The following NELL1 variants were observed in gnomAD, a reference collection of about 807,000 sequenced individuals.
NELL1 encodes the protein neural EGFL like 1, also known as protein kinase C-binding protein NELL1.
Under a neutral mutation model 107.4 loss-of-function variants are expected in NELL1, and 76 were observed. The ratio of observed to expected loss-of-function variants is 0.71; its 90% confidence interval spans 0.59 to 0.86. The LOEUF (loss-of-function observed/expected upper bound fraction) is 0.86. Among genes scored for constraint, NELL1 ranks in the 40% least tolerant of loss-of-function variants. The probability of loss-of-function intolerance (pLI) is 0.00; values close to 1 mark genes in which losing one functional copy is unlikely to be tolerated. For missense variants in NELL1, 1,024 were observed against 1,005.5 expected, an observed-to-expected ratio of 1.02 and a Z score of -0.25; for synonymous variants, 353 against 341.2, an observed-to-expected ratio of 1.03 and a Z score of -0.38.
intron 14 of NELL1, among the ~76,000 whole-genome samples, chr11:21,353,999 G>T (rs376600291): frequency 1.3e-5 from 2 of 152,154 alleles, no homozygotes; most frequent in Non-Finnish European, 2.9e-5. Flanking sequence ...TACCTTTGAA[G>T]CAGCTGAAAC....
At chr11:21,504,256 G>A (rs1475771168) in intron 15 of NELL1, 2 of 152,130 alleles carry the variant, frequency 1.3e-5, no homozygotes, top group Admixed American at 1.3e-4. Flanking sequence ...GTGACAATAC[G>A]ATCATGATAA....
intron 11 of NELL1, among the ~76,000 whole-genome samples, chr11:20,956,293 A>T (rs1851169833): frequency 6.6e-6 from 1 of 152,126 alleles, no homozygotes; most frequent in East Asian, 1.9e-4. Context: ...GAGGCAGAGG[A>T]CTTGAACCCT....
chr11:20,976,701 T>C (rs1300825616), intron 12 of NELL1, among the ~76,000 whole-genome samples: 3 of 152,200 alleles, frequency 2.0e-5, no homozygotes, highest in African/African-American at 2.4e-5. Context: ...AAACTTAATA[T>C]CATTCCATAA....
At chr11:21,434,072 C>T (rs7107637) in intron 15 of NELL1, among the ~76,000 whole-genome samples, 1 of 152,058 alleles carries the variant, frequency 6.6e-6, no homozygotes, top group African/African-American at 2.4e-5. Context: ...CGTTTGTGGT[C>T]CTTGTATATT....
chr11:21,279,864 A>G (rs373080392), intron 14 of NELL1, among the ~76,000 whole-genome samples: 3 of 152,344 alleles, frequency 2.0e-5, no homozygotes, highest in South Asian at 4.1e-4. Flanking sequence ...CATCTAGACA[A>G]TGGAATATTG....
chr11:20,959,674 T>C (rs892601214), intron 11 of NELL1, among the ~76,000 whole-genome samples: 4 of 151,996 alleles, frequency 2.6e-5, no homozygotes, highest in Non-Finnish European at 4.4e-5. Context: ...GGGGGAAAGG[T>C]GCCTGGGGTT....
intron 15 of NELL1, among the ~76,000 whole-genome samples, chr11:21,415,584 A>AT (rs1339955256): frequency 6.6e-6 from 1 of 151,232 alleles, no homozygotes; most frequent in African/African-American, 2.4e-5. Context: ...TTTCCCCCCT[A>AT]TTTTTTCTAT....
chr11:20,992,539 T>G (rs1045869511), intron 12 of NELL1, among the ~76,000 whole-genome samples: 1 of 152,106 alleles, frequency 6.6e-6, no homozygotes, highest in Admixed American at 6.5e-5. Flanking sequence ...TTTTGTCATT[T>G]ATAAGTCTGT....
At chr11:21,329,865 C>T (rs553106924) in intron 14 of NELL1, among the ~76,000 whole-genome samples, 2 of 152,156 alleles carry the variant, frequency 1.3e-5, no homozygotes, top group African/African-American at 4.8e-5. Flanking sequence ...GTTCTGTTTT[C>T]TCTTCTTCTT....
intron 15 of NELL1, among the ~76,000 whole-genome samples, chr11:21,510,152 G>C (rs1019363515): frequency 6.6e-6 from 1 of 152,196 alleles, no homozygotes; most frequent in Non-Finnish European, 1.5e-5. Context: ...ATTCTGTAAT[G>C]TTGGTGAATG....
chr11:21,423,125 G>C (rs1852731561), intron 15 of NELL1, among the ~76,000 whole-genome samples: 1 of 152,186 alleles, frequency 6.6e-6, no homozygotes, highest in Non-Finnish European at 1.5e-5. Flanking sequence ...CCAGCACTTT[G>C]GGAGGCCAAG....
intron 12 of NELL1, among the ~76,000 whole-genome samples, chr11:21,056,132 G>C (rs1471501073): frequency 6.6e-6 from 1 of 152,106 alleles, no homozygotes; most frequent in Non-Finnish European, 1.5e-5. Flanking sequence ...CCAGTAATTT[G>C]CCCAGATCAC....
intron 14 of NELL1, among the ~76,000 whole-genome samples, chr11:21,307,603 T>C (rs1849634884): frequency 6.6e-6 from 1 of 151,956 alleles, no homozygotes; most frequent in Non-Finnish European, 1.5e-5. Flanking sequence ...ATGTTAAGGA[T>C]ATTCTGGATA....
At chr11:21,170,477 A>T (rs572187823) in intron 13 of NELL1, among the ~76,000 whole-genome samples, 2 of 151,848 alleles carry the variant, frequency 1.3e-5, no homozygotes, top group African/African-American at 4.9e-5. Flanking sequence ...ACCACAATAT[A>T]TTGCTATTTT....
intron 10 of NELL1, among the ~76,000 whole-genome samples, chr11:20,939,776 G>T (rs11025821): frequency 1.3e-5 from 2 of 152,086 alleles, no homozygotes; most frequent in Non-Finnish European, 2.9e-5. Flanking sequence ...ACGAGATACT[G>T]GTGCAGGAAG....
intron 14 of NELL1, among the ~76,000 whole-genome samples, chr11:21,340,620 TACACACACACAC>T (rs71034506): frequency 0.022 from 3,177 of 141,792 alleles, 41 homozygotes; most frequent in African/African-American, 0.035. Flanking sequence ...TATGACGGGT[TACACACACACAC>T]ACACACACAC....
chr11:21,513,700 C>A (rs976280004), intron 15 of NELL1, among the ~76,000 whole-genome samples: 1 of 152,034 alleles, frequency 6.6e-6, no homozygotes, highest in Non-Finnish European at 1.5e-5. Flanking sequence ...AATCTGAAAC[C>A]AATAATCAAC....
rs537284902 is a variant in NELL1, at chr11:21,197,243, A to G, written c.1427-32089A>G. On this transcript the variant is annotated intron_variant, in intron 13 of 19. Coordinates refer to ENST00000357134, the MANE Select transcript of NELL1 (RefSeq NM_006157.5). Reference sequence around the variant, plus strand: ...CTAAAGGAGAAACAGTATGACAGATAACACATAAAAACATGAGTAAGTTCA... The same window carrying G: ...CTAAAGGAGAAACAGTATGACAGATGACACATAAAAACATGAGTAAGTTCA... Among the ~76,000 whole-genome samples the G allele has an allele frequency of 1.7e-4, 26 of 151,806 alleles. No homozygotes were observed. The Middle Eastern group carries it at 0.01, about 60-fold the overall frequency.
chr11:21,432,000 C>T (rs1034060490), intron 15 of NELL1, among the ~76,000 whole-genome samples: 2 of 152,244 alleles, frequency 1.3e-5, no homozygotes, highest in Non-Finnish European at 1.5e-5. Flanking sequence ...AATCTTGCTT[C>T]TTCTGTGTAG....
Sources: gnomAD v4.1 joint callset for allele counts (sites outside exome capture counted in the v4.1 genomes callset) on GRCh38, gnomAD v4.1.1 for gene constraint, MANE v1.5 for transcripts, NCBI Gene and HGNC (gene_info 2026-07-23, HGNC 2026-07-21) for gene names.